Variants in PIWIL2 observed in about 807,000 individuals in gnomAD.
PIWIL2 encodes the protein piwi like RNA-mediated gene silencing 2.
PIWIL2 carries 81 observed loss-of-function variants against 116.5 expected under a neutral mutation model. The observed-to-expected ratio is 0.70, with a 90% CI of 0.58 to 0.84. The LOEUF is 0.84. Among genes scored for constraint, PIWIL2 ranks in the 40% least tolerant of loss-of-function variants. The pLI, the probability that PIWIL2 is intolerant of heterozygous loss-of-function variation, is 0.00. For missense variants in PIWIL2, 1,272 were observed against 1,212.3 expected, an observed-to-expected ratio of 1.05 and a Z score of -0.73; for synonymous variants, 489 against 429.5, an observed-to-expected ratio of 1.14 and a Z score of -1.71.
chr8:22,334,920 T>G (rs893425990), intron 20 of PIWIL2, among the ~76,000 whole-genome samples: 2 of 151,930 alleles, frequency 1.3e-5, no homozygotes, highest in African/African-American at 4.8e-5. Flanking sequence ...GTGGGCGTGG[T>G]GGCGGGCACC....
In PIWIL2 at chr8:22,340,022, G is replaced by A. The variant is rs1259810923; in HGVS notation, c.2404-12937G>A. Among the ~76,000 whole-genome samples, 4 of 148,662 alleles carry A rather than the reference G, an allele frequency of 2.7e-5. No homozygotes were observed. In the Admixed American group the frequency reaches 2.7e-4, roughly 10 times the overall value. On this transcript the variant is annotated intron_variant, in intron 20 of 22. Coordinates refer to ENST00000356766, the MANE Select transcript of PIWIL2 (RefSeq NM_018068.5). ...AAATCTTCAACAAAACATTAGCAGAGTGAACCTAACTGTATAAAAAGAATT... is the reference window on the plus strand; with the variant it reads ...AAATCTTCAACAAAACATTAGCAGAATGAACCTAACTGTATAAAAAGAATT...
intron 20 of PIWIL2, among the ~76,000 whole-genome samples, chr8:22,333,201 CAAAAT>C (rs1831902191): frequency 1.3e-5 from 2 of 152,062 alleles, no homozygotes; most frequent in South Asian, 4.1e-4. Flanking sequence ...GAGGAAAAAA[CAAAAT>C]AAATTTAATG....
chr8:22,340,295 G>T (rs987322180), intron 20 of PIWIL2, among the ~76,000 whole-genome samples: 4 of 152,248 alleles, frequency 2.6e-5, no homozygotes, highest in Non-Finnish European at 5.9e-5. Context: ...GACCTCGGGT[G>T]ATCTGCCTGC....
At chr8:22,306,749 A>G (rs967547838) in intron 13 of PIWIL2, among the ~76,000 whole-genome samples, 2 of 152,150 alleles carry the variant, frequency 1.3e-5, no homozygotes, top group Admixed American at 6.5e-5. Flanking sequence ...GATTTTTTTC[A>G]TGTTTACCTT....
chr8:22,332,029 A>C (rs563690359), intron 20 of PIWIL2, among the ~76,000 whole-genome samples: 4 of 152,098 alleles, frequency 2.6e-5, no homozygotes, highest in African/African-American at 9.7e-5. Flanking sequence ...ATAGGTGAGC[A>C]GAAAATAATC....
rs767510848 is a variant in PIWIL2, at chr8:22,283,030, T to G, written c.426-4T>G. 2.5e-6 allele frequency: 4 copies of G among 1,612,954 alleles called. No individual in the cohort carries two copies. The South Asian group carries it at 4.4e-5, about 18-fold the overall frequency. On this transcript the variant is annotated splice_polypyrimidine_tract_variant and splice_region_variant and intron_variant, in intron 4 of 22. Transcript: ENST00000356766. ...CCTGATTTGCCTCTCTCTCCACATT[T>G]CAGGACGCTTGGAAGAGGGAGTTCA...
chr8:22,306,761 C>T (rs1445920256), intron 13 of PIWIL2, among the ~76,000 whole-genome samples: 1 of 152,146 alleles, frequency 6.6e-6, no homozygotes, highest in African/African-American at 2.4e-5. Context: ...GTTTACCTTC[C>T]AGTTCTTCTA....
chr8:22,291,510 C>CT (rs1201386794), intron 10 of PIWIL2, among the ~76,000 whole-genome samples: 1 of 152,096 alleles, frequency 6.6e-6, no homozygotes, highest in Non-Finnish European at 1.5e-5. Context: ...GTCTGTACAT[C>CT]TGATTTTTTT....
chr8:22,332,630 G>T (rs557631730), intron 20 of PIWIL2, among the ~76,000 whole-genome samples: 1 of 152,110 alleles, frequency 6.6e-6, no homozygotes, highest in Admixed American at 6.5e-5. Context: ...GATCAATATG[G>T]ACTAATAGCT....
chr8:22,348,905 A>G (rs1216147281), intron 20 of PIWIL2, among the ~76,000 whole-genome samples: 1 of 152,212 alleles, frequency 6.6e-6, no homozygotes, highest in African/African-American at 2.4e-5. Flanking sequence ...TAGATTTTTC[A>G]GCTCCTTGAT....
intron 18 of PIWIL2, 89 bp from the exon 19 acceptor site, chr8:22,316,131 TTTCATGTATAAACAGTAAGGGGAGG>T: frequency 3.2e-6 from 2 of 631,000 alleles, no homozygotes; most frequent in Non-Finnish European, 5.7e-6. Flanking sequence ...CAGAACTTAC[TTTCATGTATAAACAGTAAGGGGAGG>T]TTGCTTTGGG....
chr8:22,317,624 T>C (rs767501464), intron 19 of PIWIL2, among the ~76,000 whole-genome samples: 27 of 152,094 alleles, frequency 1.8e-4, no homozygotes, highest in Non-Finnish European at 3.1e-4. Context: ...GTAGGAAATA[T>C]CCACAATTAC....
In PIWIL2 at chr8:22,311,310, T is replaced by C; in HGVS notation, c.1989+10T>C. On this transcript the variant is annotated intron_variant, in intron 16 of 22. Transcript: ENST00000356766. ...CACGTTAGGAGCTGAGGTAAAAATG[T>C]AATTCAAATAAATTTATAGGATGTC... 6.3e-7 allele frequency: 1 copy of C among 1,583,792 alleles called. No individual in the cohort carries two copies. Among genetic ancestry groups the C allele is most frequent in the Non-Finnish European group, 8.6e-7 (1 of 1,162,058 alleles).
chr8:22,337,667 T>C (rs748617260), intron 20 of PIWIL2, among the ~76,000 whole-genome samples: 2 of 149,416 alleles, frequency 1.3e-5, no homozygotes, highest in Admixed American at 1.3e-4. Flanking sequence ...GAGGCGGAGG[T>C]TGCAGTAAGC....
chr8:22,340,804 C>T (rs536271077), intron 20 of PIWIL2, among the ~76,000 whole-genome samples: 1 of 152,192 alleles, frequency 6.6e-6, no homozygotes, highest in African/African-American at 2.4e-5. Flanking sequence ...CACTACCTCC[C>T]AGGCTGAAGC....
intron 1 of PIWIL2, chr8:22,275,662 A>T (rs1830347040): frequency 6.6e-6 from 1 of 152,114 alleles, no homozygotes; most frequent in African/African-American, 2.4e-5. Flanking sequence ...ATTTGGCCTG[A>T]GAGAGGAGAT....
intron 14 of PIWIL2, among the ~76,000 whole-genome samples, chr8:22,309,429 C>T (rs1831270483): frequency 6.6e-6 from 1 of 152,126 alleles, no homozygotes; most frequent in African/African-American, 2.4e-5. Context: ...CAGCCTCCTC[C>T]CGGATTCAAG....
intron 10 of PIWIL2, among the ~76,000 whole-genome samples, chr8:22,293,677 A>T (rs1365026130): frequency 6.6e-6 from 1 of 152,198 alleles, no homozygotes; most frequent in Non-Finnish European, 1.5e-5. Flanking sequence ...AGTTGGGATT[A>T]TCATGGTTGT....
intron 7 of PIWIL2, 130 bp from the exon 8 acceptor site, chr8:22,288,412 T>G: frequency 1.7e-6 from 1 of 572,464 alleles, no homozygotes; most frequent in Non-Finnish European, 2.9e-6. Flanking sequence ...GGCAACAAAG[T>G]GAGGGGAAAA....
Sources: allele counts gnomAD v4.1 joint callset (sites outside exome capture counted in the v4.1 genomes callset), GRCh38; gene constraint gnomAD v4.1.1; transcripts MANE v1.5; gene names NCBI Gene and HGNC (gene_info 2026-07-23, HGNC 2026-07-21).